The following SVIL variants were observed in gnomAD, a reference collection of about 807,000 sequenced individuals.
The protein encoded by SVIL is supervillin.
A neutral mutation model predicts 240.4 loss-of-function variants in SVIL; 101 were observed. The ratio of observed to expected loss-of-function variants is 0.42; its 90% CI spans 0.36 to 0.50. SVIL has a LOEUF of 0.50. SVIL is among the 20% of genes least tolerant of loss of function. The pLI is 0.01. For missense variants in SVIL, 2,512 were observed against 2,818.7 expected (o/e 0.89, Z 2.46); for synonymous variants, 999 against 1,100.0 (o/e 0.91, Z 1.82).
At chr10:29,732,637 ATG>A (rs1405958993) in intron 1 of SVIL, among the ~76,000 whole-genome samples, 3 of 152,206 alleles carry the variant, frequency 2.0e-5, no homozygotes, top group African/African-American at 7.2e-5. Flanking sequence ...TTGAAATGTT[ATG>A]TCTCAAACTC....
chr10:29,540,981 C>T (rs1464785908), intron 6 of SVIL, among the ~76,000 whole-genome samples: 1 of 152,146 alleles, frequency 6.6e-6, no homozygotes, highest in Non-Finnish European at 1.5e-5. Flanking sequence ...ATATTTCATT[C>T]CATCAAAGTA....
chr10:29,604,201 T>G (rs1052172683), intron 1 of SVIL, among the ~76,000 whole-genome samples: 6 of 121,264 alleles, frequency 4.9e-5, no homozygotes, highest in African/African-American at 1.3e-4. Flanking sequence ...TTATTGTTCC[T>G]CTTTTTTTTT....
rs368632127 is a variant in SVIL, at chr10:29,511,141, A to G, written c.3516+1594T>C. On this transcript the variant is annotated intron_variant, in intron 17 of 37. Transcript: ENST00000355867. ...TCCCGGGGCTTCAGGTCACTGGATTATCAACCCCAAGGGCAACTGCAGTCA... is the reference window on the plus strand; with the variant it reads ...TCCCGGGGCTTCAGGTCACTGGATTGTCAACCCCAAGGGCAACTGCAGTCA... Among the ~76,000 whole-genome samples the G allele has an allele frequency of 5.1e-3, 669 of 131,504 alleles. 35 individuals carry two copies. The highest frequency in any genetic ancestry group is 0.048 in the South Asian group (199 of 4,184). 86.3% of individuals were successfully genotyped at this position (131,504 alleles called of 152,430 possible). A position where few individuals can be genotyped will look rare whatever the true frequency, so the allele number is the denominator to read the frequency against.
At chr10:29,599,085 C>T (rs911548043) in intron 1 of SVIL, among the ~76,000 whole-genome samples, 3 of 152,142 alleles carry the variant, frequency 2.0e-5, no homozygotes, top group Admixed American at 2.0e-4. Context: ...GTGGGTAATC[C>T]TTGCAAGCCA....
intron 1 of SVIL, among the ~76,000 whole-genome samples, chr10:29,617,339 TAAAG>T (rs1354836896): frequency 6.6e-6 from 1 of 152,152 alleles, no homozygotes; most frequent in Non-Finnish European, 1.5e-5. Context: ...CAAGAGAGGA[TAAAG>T]AAAGAGTTTT....
intron 1 of SVIL, among the ~76,000 whole-genome samples, chr10:29,596,563 T>G (rs892468827): frequency 2.6e-5 from 4 of 151,852 alleles, no homozygotes; most frequent in Non-Finnish European, 5.9e-5. Context: ...ATTAAGAGGT[T>G]TGGAAAATGT....
At chr10:29,571,377 C>T (rs1412621574) in intron 1 of SVIL, among the ~76,000 whole-genome samples, 6 of 152,148 alleles carry the variant, frequency 3.9e-5, no homozygotes, top group East Asian at 1.9e-4. Flanking sequence ...TAACCATCCT[C>T]GGAGGAGTCA....
chr10:29,568,684 G>A (rs1955187764), intron 2 of SVIL, among the ~76,000 whole-genome samples: 2 of 152,170 alleles, frequency 1.3e-5, no homozygotes, highest in African/African-American at 4.8e-5. Flanking sequence ...AATCAAATTA[G>A]CACCCATAAT....
At chr10:29,556,964 G>A (rs537937998) in intron 3 of SVIL, among the ~76,000 whole-genome samples, 154 of 152,244 alleles carry the variant, frequency 1.0e-3, no homozygotes, top group African/African-American at 3.1e-3. Context: ...TTCCAAGGGT[G>A]CCTAAAAGGT....
At chr10:29,678,093 G>A (rs946989113) in intron 2 of SVIL, among the ~76,000 whole-genome samples, 1 of 152,086 alleles carries the variant, frequency 6.6e-6, no homozygotes, top group African/African-American at 2.4e-5. Context: ...TGGCACTGGG[G>A]ACCAGTTTTG....
At chr10:29,604,363 C>CTTTTTTTTTTT (rs71525560) in intron 1 of SVIL, among the ~76,000 whole-genome samples, 12 of 38,430 alleles carry the variant, frequency 3.1e-4, no homozygotes, top group Non-Finnish European at 5.1e-4. Context: ...CCATGTCTGG[C>CTTTTTTTTTTT]TTTTTTTTTT....
At chr10:29,503,855 G>A (rs889095700) in intron 17 of SVIL, among the ~76,000 whole-genome samples, 2 of 152,128 alleles carry the variant, frequency 1.3e-5, no homozygotes, top group African/African-American at 4.8e-5. Context: ...TGATCTTAAA[G>A]TTTACATGGA....
chr10:29,468,009 T>C (rs958088630), intron 32 of SVIL, 134 bp from the exon 33 acceptor site: 1 of 983,728 alleles, frequency 1.0e-6, no homozygotes, highest in Admixed American at 2.6e-5. Flanking sequence ...AAATTCACTC[T>C]TTTTATGTGT....
intron 2 of SVIL, among the ~76,000 whole-genome samples, chr10:29,666,003 A>T (rs1055051010): frequency 4.6e-5 from 7 of 152,186 alleles, no homozygotes; most frequent in Non-Finnish European, 8.8e-5. Context: ...TGCCTTCTGG[A>T]TGCATGTTAC....
At chr10:29,649,899 A>G (rs1354862122) in intron 3 of SVIL, among the ~76,000 whole-genome samples, 1 of 152,226 alleles carries the variant, frequency 6.6e-6, no homozygotes, top group Non-Finnish European at 1.5e-5. Context: ...TAATATCATT[A>G]TCACAGAAGT....
intron 1 of SVIL, among the ~76,000 whole-genome samples, chr10:29,598,170 C>T (rs993051850): frequency 2.0e-4 from 31 of 152,118 alleles, no homozygotes; most frequent in Non-Finnish European, 2.9e-5. Flanking sequence ...TAATGATGTA[C>T]TTGTGACATT....
chr10:29,626,512 G>A (rs1789672355), intron 1 of SVIL, among the ~76,000 whole-genome samples: 1 of 152,170 alleles, frequency 6.6e-6, no homozygotes. Context: ...CGAAAGCCAA[G>A]CACATCCCAT....
At position 29,569,265 on chromosome 10, in the gene SVIL, T is replaced by A; in HGVS notation, c.-153A>T. 1.0e-6 allele frequency: 1 copy of A among 985,846 alleles called. No homozygotes were observed. The highest frequency in any genetic ancestry group is 1.2e-6 in the Non-Finnish European group (1 of 829,888). The allele number at this position is 985,846 out of a possible 1,614,324, so 61.1% of individuals were successfully genotyped here. A position where few individuals can be genotyped will look rare whatever the true frequency, so the allele number is the denominator to read the frequency against. On this transcript the variant is annotated 5_prime_UTR_variant, in exon 2 of 38. Transcript: ENST00000355867. ...ACAAGGCCACTTTACCTTGAAACTT[T>A]CCTTTGACGTGGGAATCCAAGGAAG... is the stretch of plus-strand genomic sequence containing the variant.
chr10:29,594,579 C>T lies in SVIL; in HGVS notation c.-200-25267G>A, dbSNP rs181410980. ...TTTTTCTTTTTTTTTTTTTTTGAAA[C>T]ATGGTCTCACTCTGTCACCCAGGCT... is the stretch of plus-strand genomic sequence containing the variant. On this transcript the variant is annotated intron_variant, in intron 1 of 37. Transcript: ENST00000355867. Among the ~76,000 whole-genome samples the T allele has an allele frequency of 2.5e-3, 330 of 133,418 alleles. 3 individuals are homozygous for T. The highest frequency in any genetic ancestry group is 0.013 in the East Asian group (61 of 4,750). The allele number at this position is 133,418 out of a possible 152,430, so 87.5% of individuals were successfully genotyped here. A position where few individuals can be genotyped will look rare whatever the true frequency, so the allele number is the denominator to read the frequency against.
Sources: gnomAD v4.1 joint callset for allele counts (sites outside exome capture counted in the v4.1 genomes callset) on GRCh38, gnomAD v4.1.1 for gene constraint, MANE v1.5 for transcripts, NCBI Gene and HGNC (gene_info 2026-07-23, HGNC 2026-07-21) for gene names.